LTBP3: variants seen among roughly 807,000 people sequenced by gnomAD.
LTBP3 encodes the protein latent-transforming growth factor beta-binding protein 3.
A neutral mutation model predicts 159.7 loss-of-function variants in LTBP3; 97 were observed. That is an observed-to-expected ratio of 0.61 (90% CI 0.52 to 0.72). LTBP3 has a LOEUF of 0.72. Among genes scored for constraint, LTBP3 ranks in the 30% least tolerant of loss-of-function variants. LTBP3 has a pLI of 0.00. For synonymous variants in LTBP3, 824 were observed against 777.1 expected (o/e 1.06, Z -1.00); for missense variants, 1,584 against 1,864.3 (o/e 0.85, Z 2.77).
rs1362161347 is a variant in LTBP3 at position 65,539,296 on chromosome 11, G to A, written c.3760+32C>T. The A allele has an allele frequency of 1.0e-5, 6 of 596,298 alleles. No homozygotes were observed. The highest frequency in any genetic ancestry group is 6.5e-5 in the East Asian group (1 of 15,298). 36.9% of individuals were successfully genotyped at this position (596,298 alleles called of 1,614,324 possible). A position where few individuals can be genotyped will look rare whatever the true frequency, so the allele number is the denominator to read the frequency against. On this transcript the variant is annotated intron_variant, in intron 27 of 27. Coordinates refer to ENST00000301873, the MANE Select transcript of LTBP3 (RefSeq NM_001130144.3). ...CAGGCGGCTCCTCACCACCGGCCCC[G>A]CCCCTGCCCCCACCCCCGAAGCCCG...
Position 65,539,582 on chromosome 11 carries a change from G to A in LTBP3, c.3594C>T (p.Asp1198=), listed in dbSNP as rs1855968826. 3 of 1,612,874 alleles carry A rather than the reference G, an allele frequency of 1.9e-6. No individual in the cohort carries two copies. The highest frequency in any genetic ancestry group is 2.5e-6 in the Non-Finnish European group (3 of 1,179,394). ...GCTTCCCCAACAGCAGGGGGCTTGTGTCCCAGAAGGAATTGCTCTCGCTCT... is the reference window on the plus strand; with the variant it reads ...GCTTCCCCAACAGCAGGGGGCTTGTATCCCAGAAGGAATTGCTCTCGCTCT... The part of the protein sequence containing the change: ...TSQSESNSFW[D]TSPLLLGKPP... Residue 1198 remains aspartate (D), a synonymous_variant, in exon 26 of 28, where the codon GAC becomes GAT. Coordinates refer to ENST00000301873, the MANE Select transcript of LTBP3 (RefSeq NM_001130144.3).
At chr11:65,555,420 C>A (rs1053188162) in intron 1 of LTBP3, among the ~76,000 whole-genome samples, 11 of 152,168 alleles carry the variant, frequency 7.2e-5, no homozygotes, top group South Asian at 2.1e-4. Flanking sequence ...CAGGTCCCCC[C>A]CCTCTCTATA....
At chr11:65,542,921 G>C in intron 18 of LTBP3, 184 bp downstream of exon 18, 1 of 835,332 alleles carries the variant, frequency 1.2e-6, no homozygotes, top group Non-Finnish European at 1.9e-6. Flanking sequence ...TGGAAGGATG[G>C]ATGGATAGAA....
In LTBP3 at chr11:65,551,758, T is replaced by G. The variant is rs1238875264; in HGVS notation, c.1532-194A>C. The G allele has an allele frequency of 6.7e-6, 6 of 893,432 alleles. No homozygotes were observed. In the African/African-American group the frequency reaches 9.8e-5, roughly 15 times the overall value. The allele number at this position is 893,432 out of a possible 1,614,324, so 55.3% of individuals were successfully genotyped here. A position where few individuals can be genotyped will look rare whatever the true frequency, so the allele number is the denominator to read the frequency against. The stretch of plus-strand genomic sequence containing the variant: ...GTCACATGATCAGGTTGAATGGCCT[T>G]GGGTTACAGGTCAGGCTGTAGAAGG... On this transcript the variant is annotated intron_variant, in intron 8 of 27. Transcript: ENST00000301873.
In LTBP3 at chr11:65,557,970, A is replaced by T; in HGVS notation, c.-11T>A. The T allele has an allele frequency of 8.8e-7, 1 of 1,135,846 alleles. No homozygotes were observed. The highest frequency in any genetic ancestry group is 1.1e-6 in the Non-Finnish European group (1 of 930,184). The allele number at this position is 1,135,846 out of a possible 1,614,324, so 70.4% of individuals were successfully genotyped here. A position where few individuals can be genotyped will look rare whatever the true frequency, so the allele number is the denominator to read the frequency against. ...TCGGGGCCCGGGCATCCGGGGCCGC[A>T]GGACCCGGGGGAGGGGGGGCGCGCC... On this transcript the variant is annotated 5_prime_UTR_variant, in exon 1 of 28. Transcript: ENST00000301873.
intron 16 of LTBP3, 192 bp from the exon 17 acceptor site, chr11:65,543,741 G>T: frequency 1.5e-6 from 1 of 680,696 alleles, no homozygotes; most frequent in Non-Finnish European, 2.5e-6. Context: ...GGGTCCCTAG[G>T]CCAGGTCTGA....
At chr11:65,550,283 G>A (rs918063516) in intron 11 of LTBP3, among the ~76,000 whole-genome samples, 21 of 152,094 alleles carry the variant, frequency 1.4e-4, no homozygotes, top group African/African-American at 4.6e-4. Flanking sequence ...GTGGTGGTGG[G>A]CGCCTGTAGT....
In LTBP3 at chr11:65,547,910, C is replaced by G. The variant is rs745998853; in HGVS notation, c.1846+10G>C. 8 of 1,613,716 alleles carry G rather than the reference C, an allele frequency of 5.0e-6. No homozygotes were observed. The South Asian group carries it at 8.8e-5, about 18-fold the overall frequency. On this transcript the variant is annotated intron_variant, in intron 12 of 27. Coordinates refer to ENST00000301873, the MANE Select transcript of LTBP3 (RefSeq NM_001130144.3). The surrounding 1 kb of genome is among the most constrained non-coding windows in gnomAD (Gnocchi z 4.6). ...CCCACCTGCATGCCCGCCGCCTGCC[C>G]TGCGCTCACCCACGCAGTAGCGGTG...
rs531603089 is a variant in LTBP3 at position 65,546,619 on chromosome 11, A to G, written c.2231-55T>C. On this transcript the variant is annotated intron_variant, in intron 15 of 27. Transcript: ENST00000301873. The surrounding 1 kb of genome is among the most constrained non-coding windows in gnomAD (Gnocchi z 4.0). ...TGCCCCACCGGAAGGCGGACCGCGC[A>G]CCTCGCGGGGGTGTGGGTCTCTTCC... 31 of 1,595,654 alleles carry G rather than the reference A, an allele frequency of 1.9e-5. No individual in the cohort carries two copies. Among genetic ancestry groups the G allele is most frequent in the Non-Finnish European group, 2.5e-5 (29 of 1,178,630 alleles).
In LTBP3 at chr11:65,552,249, G is replaced by A. The variant is rs753498326; in HGVS notation, c.1344C>T (p.Thr448=). ...ARCQRCPTDG[T]AAFKEICPAG... Reference sequence around the variant, plus strand: ...TATCCCCGGGTAACCCTGACTCACCGGTGCCATCTGTTGGGCAGCGCTGAC... The same window carrying A: ...TATCCCCGGGTAACCCTGACTCACCAGTGCCATCTGTTGGGCAGCGCTGAC... The change falls in exon 7 of 28, where the codon ACC becomes ACT. Residue 448 remains threonine (T), a splice_region_variant and synonymous_variant. Coordinates refer to ENST00000301873, the MANE Select transcript of LTBP3 (RefSeq NM_001130144.3). The surrounding 1 kb of genome is among the most constrained non-coding windows in gnomAD (Gnocchi z 6.0). 6.2e-6 allele frequency: 10 copies of A among 1,613,996 alleles called. No individual in the cohort carries two copies. In the Admixed American group the frequency reaches 6.7e-5, roughly 11 times the overall value.
At chr11:65,543,848 T>G in intron 16 of LTBP3, 2 of 456,416 alleles carry the variant, frequency 4.4e-6, no homozygotes, top group Non-Finnish European at 8.1e-6. Flanking sequence ...TGGCTCCCTT[T>G]TTCCTCTGGG....
At chr11:65,544,887 A>C (rs1458440477) in intron 16 of LTBP3, 2 of 152,110 alleles carry the variant, frequency 1.3e-5, no homozygotes, top group Non-Finnish European at 2.9e-5. Context: ...CTCAGCCTAT[A>C]CCAAAGCCCC....
chr11:65,551,518 C>G, intron 9 of LTBP3, 30 bp downstream of exon 9: 3 of 1,614,082 alleles, frequency 1.9e-6, no homozygotes, highest in Non-Finnish European at 2.5e-6. Context: ...CTCGCCTGCC[C>G]ACCCCTCCCA....
In LTBP3 at chr11:65,552,405, TGCTGCAGGGGCCAGTGGGGGGCATGG is replaced by T. The variant is rs756715710; in HGVS notation, c.1187-25_1187del. On this transcript the variant is annotated splice_acceptor_variant and splice_polypyrimidine_tract_variant and coding_sequence_variant and intron_variant, in exon 7 of 28. Transcript: ENST00000301873. LOFTEE classifies it high-confidence loss of function. The surrounding 1 kb of genome is among the most constrained non-coding windows in gnomAD (Gnocchi z 6.0). ...ACAGGCTCTTCTCCTCCGGTTTGTC[TGCTGCAGGGGCCAGTGGGGGGCATGG>T]GCATCTGAGCCTGCACATTGCCCAC... 6.2e-7 allele frequency: 1 copy of T among 1,613,086 alleles called. No individual in the cohort carries two copies. The highest frequency in any genetic ancestry group is 8.5e-7 in the Non-Finnish European group (1 of 1,179,952).
In LTBP3 at chr11:65,539,419, G is replaced by A. The variant is rs1435033001; in HGVS notation, c.3669C>T (p.Cys1223=). The A allele has an allele frequency of 1.9e-6, 3 of 1,551,622 alleles. No individual in the cohort carries two copies. The highest frequency in any genetic ancestry group is 1.4e-5 in the African/African-American group (1 of 73,064). ...GCCGCGGCACGCAGCGGCCACTCAC[G>A]CAGCGACACTCGTCTGAATCCTCCT... is the stretch of plus-strand genomic sequence containing the variant. The part of the protein sequence containing the change: ...SSEEDSDECR[C]VSGRCVPRPG... The change falls in exon 27 of 28, where the codon TGC becomes TGT. Residue 1223 remains cysteine, a synonymous_variant. Transcript: ENST00000301873.
intron 16 of LTBP3, chr11:65,544,018 G>A (rs907625545): frequency 8.2e-5 from 17 of 206,774 alleles, no homozygotes; most frequent in African/African-American, 2.3e-4. Flanking sequence ...CTGAGGTGCC[G>A]CCGGCCTCCT....
At chr11:65,556,821 A>G (rs1040467062) in intron 1 of LTBP3, among the ~76,000 whole-genome samples, 4 of 152,164 alleles carry the variant, frequency 2.6e-5, no homozygotes, top group African/African-American at 9.7e-5. Context: ...TACCCTGTCC[A>G]GGAGGGTAAT....
chr11:65,548,266 C>G, intron 11 of LTBP3: 1 of 669,194 alleles, frequency 1.5e-6, no homozygotes, highest in South Asian at 1.8e-5. Context: ...CGTATCACCC[C>G]ACACCCAGGC....
Position 65,552,520 on chromosome 11 carries a change from T to G in LTBP3, c.1187-114A>C. ...CCCAGACAACCCTTGATCCCCCATG[T>G]GGTCTCTGACCCCATATGACCCTGA... On this transcript the variant is annotated intron_variant, in intron 6 of 27. Coordinates refer to ENST00000301873, the MANE Select transcript of LTBP3 (RefSeq NM_001130144.3). The surrounding 1 kb of genome is among the most constrained non-coding windows in gnomAD (Gnocchi z 6.0). The G allele has an allele frequency of 7.5e-7, 1 of 1,338,668 alleles. No individual in the cohort carries two copies. The highest frequency in any genetic ancestry group is 1.0e-6 in the Non-Finnish European group (1 of 965,774). 82.9% of individuals were successfully genotyped at this position (1,338,668 alleles called of 1,614,324 possible).
Sources: allele counts gnomAD v4.1 joint callset (sites outside exome capture counted in the v4.1 genomes callset), GRCh38; gene constraint gnomAD v4.1.1; non-coding constraint Gnocchi (gnomAD v3.1); transcripts MANE v1.5; gene names NCBI Gene and HGNC (gene_info 2026-07-23, HGNC 2026-07-21).